RNF145: variants seen among roughly 807,000 people sequenced by gnomAD.
RNF145 encodes ring finger protein 145.
Under a neutral mutation model 57.3 loss-of-function variants are expected in RNF145, and 12 were observed. The ratio of observed to expected loss-of-function variants is 0.21; its 90% CI spans 0.13 to 0.34. The LOEUF is 0.34. Among genes scored for constraint, RNF145 ranks in the 10% least tolerant of loss-of-function variants. The pLI, the probability that RNF145 is intolerant of heterozygous loss-of-function variation, is 1.00. For synonymous variants in RNF145, 262 were observed against 288.3 expected, an observed-to-expected ratio of 0.91 and a Z score of 0.92; for missense variants, 429 against 799.0, an observed-to-expected ratio of 0.54 and a Z score of 5.58.
chr5:159,161,604 TAA>T lies in RNF145; in HGVS notation c.1286_1287del (p.Phe429TyrfsTer8). The T allele has an allele frequency of 6.4e-7, 1 of 1,564,094 alleles. No homozygotes were observed. Among genetic ancestry groups the T allele is most frequent in the Non-Finnish European group, 8.6e-7 (1 of 1,158,162 alleles). On this transcript the variant is annotated frameshift_variant, in exon 10 of 11. Transcript: ENST00000424310. LOFTEE classifies it high-confidence loss of function. ...TCCTCAACCATAAATAAGACATAAA[TAA>T]AAAGTGTTCCCAGAACCTGAAAAAA... is the stretch of plus-strand genomic sequence containing the variant. The part of the protein sequence containing the change: ...LTSLQVLGTL[F>X]IYVLFMVEEF...
chr5:159,183,296 T>G (rs973482725), intron 3 of RNF145, among the ~76,000 whole-genome samples: 13 of 152,212 alleles, frequency 8.5e-5, no homozygotes, highest in African/African-American at 3.1e-4. Flanking sequence ...ATTTTGCTCC[T>G]GAGGGGATAT....
At chr5:159,204,323 C>T (rs1009941263) in intron 1 of RNF145, among the ~76,000 whole-genome samples, 1 of 151,820 alleles carries the variant, frequency 6.6e-6, no homozygotes, top group East Asian at 1.9e-4. Context: ...GATAAGCAGG[C>T]ACATGGAAGA....
chr5:159,197,815 G>A (rs1156338383), intron 2 of RNF145, among the ~76,000 whole-genome samples: 1 of 152,180 alleles, frequency 6.6e-6, no homozygotes, highest in Non-Finnish European at 1.5e-5. Flanking sequence ...ACCTAGGCCA[G>A]GTGTAGTAGT....
rs1276815507 is a variant in RNF145, at chr5:159,169,031, C to T, written c.963G>A (p.Leu321=). The change falls in exon 8 of 11, where the codon CTG becomes CTA. Residue 321 remains leucine (L), a synonymous_variant. Transcript: ENST00000424310. ...MNRGMTEGVT[L]LILAVQTGLI... Reference sequence around the variant, plus strand: ...GCCCAGTCTGCACTGCCAGGATTAACAGCGTTACTCCTTCTGTCATGCCCC... The same window carrying T: ...GCCCAGTCTGCACTGCCAGGATTAATAGCGTTACTCCTTCTGTCATGCCCC... 34 of 1,576,870 alleles carry T rather than the reference C, an allele frequency of 2.2e-5. No homozygotes were observed. The highest frequency in any genetic ancestry group is 2.8e-5 in the Non-Finnish European group (33 of 1,168,290).
chr5:159,207,586 C>A lies in RNF145; in HGVS notation c.-40+1645G>T. On this transcript the variant is annotated intron_variant, in intron 1 of 10. Transcript: ENST00000424310. ...GCTGTCCATCGGTTAGGATGGTAGG[C>A]CTCACTGAAAATGTTAAGAGCACAA... The A allele has an allele frequency of 4.4e-6, 7 of 1,593,250 alleles. No individual in the cohort carries two copies. In the South Asian group the frequency reaches 5.7e-5, roughly 13 times the overall value.
chr5:159,174,434 T>C (rs989766099), intron 5 of RNF145, among the ~76,000 whole-genome samples: 10 of 152,160 alleles, frequency 6.6e-5, no homozygotes, highest in Admixed American at 2.0e-4. Flanking sequence ...TAAGGTCATA[T>C]TCAGTACAAA....
Position 159,173,986 on chromosome 5 carries a change from G to C in RNF145, c.794C>G (p.Thr265Arg). 6.2e-7 allele frequency: 1 copy of C among 1,600,732 alleles called. No individual in the cohort carries two copies. The highest frequency in any genetic ancestry group is 1.4e-5 in the African/African-American group (1 of 73,956). The change falls in exon 6 of 11, where the codon ACA (threonine) becomes AGA (arginine). Residue 265 changes from threonine to arginine, a missense_variant. By Grantham distance (71) the Thr-to-Arg change is moderately conservative. Transcript: ENST00000424310. Reference protein sequence around the residue: ...SRERLLFLFLTSIAECCSTPY... With the variant: ...SRERLLFLFLRSIAECCSTPY... ...ATCATAGGCTCTTATTAATTACCTT[G>C]TCAGAAAAAGGAAAAGAAGCCTCTC...
chr5:159,193,229 T>C (rs965416227), intron 3 of RNF145, among the ~76,000 whole-genome samples: 1 of 152,208 alleles, frequency 6.6e-6, no homozygotes, highest in African/African-American at 2.4e-5. Context: ...CAGCTTGATT[T>C]AAACATTGTG....
chr5:159,208,003 CA>C, intron 1 of RNF145: 2 of 1,545,156 alleles, frequency 1.3e-6, no homozygotes, highest in Non-Finnish European at 1.7e-6. Flanking sequence ...AATAAAAAGA[CA>C]CACAGTCCTC....
chr5:159,190,304 GATTA>G (rs1785243963), intron 3 of RNF145, among the ~76,000 whole-genome samples: 3 of 152,140 alleles, frequency 2.0e-5, no homozygotes, highest in Admixed American at 2.0e-4. Context: ...AAAATGCTGG[GATTA>G]CAAGTGTGAG....
intron 1 of RNF145, among the ~76,000 whole-genome samples, chr5:159,204,524 G>C (rs551827616): frequency 3.9e-5 from 6 of 152,204 alleles, no homozygotes; most frequent in Admixed American, 3.3e-4. Flanking sequence ...GGGCAAACAA[G>C]GCCGGGCGCA....
intron 3 of RNF145, among the ~76,000 whole-genome samples, chr5:159,189,250 C>T (rs1039174159): frequency 6.6e-6 from 1 of 151,928 alleles, no homozygotes; most frequent in Non-Finnish European, 1.5e-5. Context: ...AGAACTCCTA[C>T]AACTTAGCAA....
chr5:159,203,460 T>C lies in RNF145; in HGVS notation c.158A>G (p.Tyr53Cys). Residue 53 changes from tyrosine to cysteine, a missense_variant, in exon 2 of 11, where the codon TAT becomes TGT. Tyr to Cys is a radical substitution (Grantham distance 194). Transcript: ENST00000424310. ...TACATAATGCATATTAAGAGCCAAA[T>C]ACTTATACTGGAAAAGAGGGTTATT... ...LSNNPLFQYKYLALNMHYVGY... is the reference protein window; with the variant it reads ...LSNNPLFQYKCLALNMHYVGY... 6.2e-7 allele frequency: 1 copy of C among 1,613,576 alleles called. No homozygotes were observed.
rs550506252 is a variant in RNF145 at position 159,202,212 on chromosome 5, A to C, written c.184+1222T>G. Among the ~76,000 whole-genome samples the C allele has an allele frequency of 9.7e-4, 148 of 152,332 alleles. 1 individual carries two copies. Among genetic ancestry groups the C allele is most frequent in the African/African-American group, 3.4e-3 (142 of 41,568 alleles). On this transcript the variant is annotated intron_variant, in intron 2 of 10. Transcript: ENST00000424310. ...ATAATAAATATTTCAACCTATTCAG[A>C]AACAATATATAAGCACATTTTTAAA...
chr5:159,163,065 T>G lies in RNF145; in HGVS notation c.1136A>C (p.His379Pro). ...TAAACAAAGGCTTACAGCACGGAAG[T>G]GTTTCCACAAGCTCCTGGAGAAAGA... ...GASRDKSLWKHFRAVSLCLFL... is the reference protein window; with the variant it reads ...GASRDKSLWKPFRAVSLCLFL... Residue 379 changes from histidine (H) to proline (P), a missense_variant, in exon 9 of 11, where the codon CAC (histidine) becomes CCC (proline). Physicochemically the swap from His to Pro is moderately conservative, Grantham distance 77. This residue lies in a region of RNF145 where 216 missense variants were observed against 457.6 expected (regional missense o/e 0.47). Coordinates refer to ENST00000424310, the MANE Select transcript of RNF145 (RefSeq NM_001199383.2). 2 of 1,597,604 alleles carry G rather than the reference T, an allele frequency of 1.3e-6. No individual in the cohort carries two copies. Among genetic ancestry groups the G allele is most frequent in the Non-Finnish European group, 1.7e-6 (2 of 1,175,854 alleles).
intron 1 of RNF145, chr5:159,207,974 C>CA: frequency 1.3e-6 from 2 of 1,585,520 alleles, no homozygotes; most frequent in South Asian, 2.2e-5. Flanking sequence ...AGTAAAACTG[C>CA]ACACTCCGTA....
At chr5:159,198,460 C>T (rs886795625) in intron 2 of RNF145, among the ~76,000 whole-genome samples, 1 of 152,146 alleles carries the variant, frequency 6.6e-6, no homozygotes, top group Non-Finnish European at 1.5e-5. Context: ...GTAACAGTAG[C>T]TTTGGGTATG....
chr5:159,190,992 G>C (rs1785270974), intron 3 of RNF145, among the ~76,000 whole-genome samples: 1 of 151,434 alleles, frequency 6.6e-6, no homozygotes, highest in African/African-American at 2.4e-5. Context: ...TCTACAAAGG[G>C]GTATCCAATC....
At chr5:159,210,031 A>C (rs1344253881), upstream of RNF145, 2 of 717,912 alleles carry the variant, frequency 2.8e-6, no homozygotes, top group Non-Finnish European at 4.8e-6. Flanking sequence ...ACCCCTGTGG[A>C]GTAAGTGACT....
Sources: gnomAD v4.1 joint callset for allele counts (sites outside exome capture counted in the v4.1 genomes callset) on GRCh38, gnomAD v4.1.1 for gene constraint, gnomAD v4.1.1 regional missense constraint, MANE v1.5 for transcripts, NCBI Gene and HGNC (gene_info 2026-07-23, HGNC 2026-07-21) for gene names.